Variants in ARID5B observed in about 807,000 individuals in gnomAD.
ARID5B encodes the protein AT-rich interaction domain 5B.
ARID5B carries 13 observed loss-of-function variants against 97.2 expected under a neutral mutation model. The observed-to-expected ratio is 0.13, with a 90% CI of 0.09 to 0.21. The LOEUF (loss-of-function observed/expected upper bound fraction) is 0.21, where lower values mean the gene tolerates loss of function less well. Among genes scored for constraint, ARID5B ranks in the 10% least tolerant of loss-of-function variants. The pLI is 1.00. For missense variants in ARID5B, 1,210 were observed against 1,465.3 expected (o/e 0.83, Z 2.84); for synonymous variants, 556 against 570.3 (o/e 0.97, Z 0.36).
chr10:62,048,058 C>T (rs1839734773), intron 4 of ARID5B, among the ~76,000 whole-genome samples: 1 of 152,144 alleles, frequency 6.6e-6, no homozygotes, highest in Non-Finnish European at 1.5e-5. Flanking sequence ...CCAGTGCAAA[C>T]TCAAGTCACC....
chr10:62,029,747 G>A (rs1839470677), intron 4 of ARID5B, among the ~76,000 whole-genome samples: 1 of 152,170 alleles, frequency 6.6e-6, no homozygotes. Context: ...AACAAATTCT[G>A]CCCTTATTTA....
At position 62,093,851 on chromosome 10, in the gene ARID5B, T is replaced by C; in HGVS notation, c.*821T>C. ...AAGCAACTGATTCTAGTGGAACAAA[T>C]GAAAAAGAAACAGTCAAGCACACAA... On this transcript the variant is annotated 3_prime_UTR_variant, in exon 10 of 10. Coordinates refer to ENST00000279873, the MANE Select transcript of ARID5B (RefSeq NM_032199.3). The C allele has an allele frequency of 4.3e-6, 1 of 233,556 alleles. No homozygotes were observed. The allele number at this position is 233,556 out of a possible 1,614,324, so 14.5% of individuals were successfully genotyped here.
At chr10:61,986,077 T>C (rs915655798) in intron 3 of ARID5B, among the ~76,000 whole-genome samples, 17 of 152,054 alleles carry the variant, frequency 1.1e-4, no homozygotes, top group African/African-American at 4.1e-4. Flanking sequence ...GAGAGGTACC[T>C]GGGAATACCA....
chr10:61,933,083 C>T (rs999615196), intron 2 of ARID5B, among the ~76,000 whole-genome samples: 23 of 152,144 alleles, frequency 1.5e-4, no homozygotes, highest in African/African-American at 5.5e-4. Context: ...AGAACAAAAA[C>T]AAAACAAAAC....
chr10:61,974,802 G>A (rs559785634), intron 3 of ARID5B, among the ~76,000 whole-genome samples: 66 of 152,224 alleles, frequency 4.3e-4, no homozygotes, highest in Admixed American at 2.1e-3. Context: ...GTTGTAAATC[G>A]TGAGTTGAAA....
At chr10:61,908,550 G>A (rs1296470328) in intron 2 of ARID5B, among the ~76,000 whole-genome samples, 2 of 152,092 alleles carry the variant, frequency 1.3e-5, no homozygotes, top group Non-Finnish European at 1.5e-5. Context: ...GCTCACGCCT[G>A]TAATCCCAGC....
At chr10:62,024,632 G>T in intron 4 of ARID5B, 2 of 393,576 alleles carry the variant, frequency 5.1e-6, no homozygotes, top group Non-Finnish European at 9.0e-6. Flanking sequence ...CTTTGAAGGA[G>T]ATTTGACAAA....
chr10:61,943,916 T>C (rs992652110), intron 3 of ARID5B, among the ~76,000 whole-genome samples: 2 of 152,178 alleles, frequency 1.3e-5, no homozygotes, highest in African/African-American at 4.8e-5. Flanking sequence ...TAGACAATAT[T>C]TGAGGATGTC....
At position 62,095,730 on chromosome 10, in the gene ARID5B, G is replaced by C. The variant is rs777427066; in HGVS notation, c.*2700G>C. 4.3e-6 allele frequency: 1 copy of C among 231,904 alleles called. No individual in the cohort carries two copies. Among genetic ancestry groups the C allele is most frequent in the Non-Finnish European group, 8.5e-6 (1 of 117,010 alleles). 14.4% of individuals were successfully genotyped at this position (231,904 alleles called of 1,614,324 possible). A position where few individuals can be genotyped will look rare whatever the true frequency, so the allele number is the denominator to read the frequency against. On this transcript the variant is annotated 3_prime_UTR_variant, in exon 10 of 10. Transcript: ENST00000279873. ...GAATTCTTCATTGGCTGAGAACGAC[G>C]TTTTAAAATGTCTTAAATAAGGCTT... is the stretch of plus-strand genomic sequence containing the variant.
chr10:62,054,738 G>A lies in ARID5B; in HGVS notation c.847-2379G>A, dbSNP rs146864066. ...TCTGACCTAATAATATAGGTAGTTG[G>A]CCCATTATCACTGCAAATTTAAGAC... On this transcript the variant is annotated intron_variant, in intron 5 of 9. Transcript: ENST00000279873. Among the ~76,000 whole-genome samples the A allele has an allele frequency of 1.2e-3, 188 of 152,178 alleles. 1 individual carries two copies. The highest frequency in any genetic ancestry group is 4.1e-3 in the African/African-American group (172 of 41,526).
At chr10:61,967,782 A>G (rs550772563) in intron 3 of ARID5B, among the ~76,000 whole-genome samples, 1 of 152,298 alleles carries the variant, frequency 6.6e-6, no homozygotes, top group East Asian at 1.9e-4. Flanking sequence ...TGCCATTTAC[A>G]ACAGAAAATA....
At chr10:61,986,075 C>G (rs1443441913) in intron 3 of ARID5B, among the ~76,000 whole-genome samples, 3 of 152,014 alleles carry the variant, frequency 2.0e-5, no homozygotes, top group Middle Eastern at 3.2e-3. Flanking sequence ...CTGAGAGGTA[C>G]CTGGGAATAC....
At chr10:62,046,404 T>C (rs1374034400) in intron 4 of ARID5B, among the ~76,000 whole-genome samples, 1 of 152,206 alleles carries the variant, frequency 6.6e-6, no homozygotes, top group Non-Finnish European at 1.5e-5. Flanking sequence ...GAAATAAATA[T>C]ATAAACAAAT....
At chr10:62,026,292 C>T (rs1300400172) in intron 4 of ARID5B, among the ~76,000 whole-genome samples, 1 of 152,206 alleles carries the variant, frequency 6.6e-6, no homozygotes, top group East Asian at 1.9e-4. Context: ...CCTGTATTAC[C>T]TATTAGCAGA....
At chr10:62,061,670 G>A (rs768338473) in intron 7 of ARID5B, among the ~76,000 whole-genome samples, 21 of 152,128 alleles carry the variant, frequency 1.4e-4, no homozygotes, top group African/African-American at 3.4e-4. Flanking sequence ...GATAAGAGTC[G>A]CCCCTCTTTC....
intron 4 of ARID5B, among the ~76,000 whole-genome samples, chr10:62,039,600 T>G (rs1022691938): frequency 6.6e-6 from 1 of 152,202 alleles, no homozygotes; most frequent in Non-Finnish European, 1.5e-5. Flanking sequence ...GGGAATCAGC[T>G]TTGATTTTGG....
At chr10:62,071,567 A>AGGAG (rs1554849730) in intron 8 of ARID5B, among the ~76,000 whole-genome samples, 4 of 146,836 alleles carry the variant, frequency 2.7e-5, no homozygotes, top group Non-Finnish European at 6.0e-5. Flanking sequence ...AAAAAAAAAA[A>AGGAG]AGAGAGAAGG....
rs1164367243 is a variant in ARID5B at position 62,094,243 on chromosome 10, G to C, written c.*1213G>C. The C allele has an allele frequency of 4.3e-6, 1 of 231,922 alleles. No homozygotes were observed. Among genetic ancestry groups the C allele is most frequent in the African/African-American group, 2.2e-5 (1 of 45,276 alleles). 14.4% of individuals were successfully genotyped at this position (231,922 alleles called of 1,614,324 possible). A position where few individuals can be genotyped will look rare whatever the true frequency, so the allele number is the denominator to read the frequency against. On this transcript the variant is annotated 3_prime_UTR_variant, in exon 10 of 10. Transcript: ENST00000279873. The stretch of plus-strand genomic sequence containing the variant: ...ATGGTCTGGGAAAGGGGGTTGGGAA[G>C]AGGATGGAGCTCAACTGGCCAGAAG...
At chr10:61,993,938 A>G (rs563557964) in intron 3 of ARID5B, among the ~76,000 whole-genome samples, 11 of 152,316 alleles carry the variant, frequency 7.2e-5, no homozygotes, top group African/African-American at 2.4e-4. Flanking sequence ...AAAACTAGAC[A>G]TCAAGCTTTA....
Sources: gnomAD v4.1 joint callset for allele counts (sites outside exome capture counted in the v4.1 genomes callset) on GRCh38, gnomAD v4.1.1 for gene constraint, MANE v1.5 for transcripts, NCBI Gene and HGNC (gene_info 2026-07-23, HGNC 2026-07-21) for gene names.